Variants in WDR4 observed in about 807,000 individuals in gnomAD.
WDR4 encodes tRNA (guanine-N(7)-)-methyltransferase non-catalytic subunit WDR4.
WDR4 carries 47 observed loss-of-function variants against 48.6 expected under a neutral mutation model. That is an observed-to-expected ratio of 0.97 (90% CI 0.77 to 1.23). WDR4 has a LOEUF of 1.23. Ranked by LOEUF, WDR4 falls within the 50% of genes most tolerant of loss-of-function variation. The pLI, the probability that WDR4 is intolerant of heterozygous loss-of-function variation, is 0.00. For missense variants in WDR4, 606 were observed against 551.6 expected (o/e 1.10, Z -0.99); for synonymous variants, 268 against 230.0 (o/e 1.17, Z -1.49).
At chr21:42,846,751 GT>G (rs2057714269), downstream of WDR4, among the ~76,000 whole-genome samples, 1 of 152,150 alleles carries the variant, frequency 6.6e-6, no homozygotes, top group Admixed American at 6.5e-5. Flanking sequence ...ATTGGGTGCA[GT>G]GGCTGACACC....
chr21:42,885,568 C>T, the WDR4 span, among the ~76,000 whole-genome samples: 1 of 151,280 alleles, frequency 6.6e-6, no homozygotes, highest in Admixed American at 6.6e-5. Flanking sequence ...GAGATCGCAC[C>T]ATTGCACTCC....
chr21:42,856,659 A>C (rs2058000317), intron 6 of WDR4, among the ~76,000 whole-genome samples: 1 of 152,200 alleles, frequency 6.6e-6, no homozygotes, highest in African/African-American at 2.4e-5. Context: ...CACTATTTGT[A>C]AGTATTTTTA....
chr21:42,877,917 C>T (rs1349254249), intron 1 of WDR4, among the ~76,000 whole-genome samples: 18 of 151,742 alleles, frequency 1.2e-4, no homozygotes, highest in African/African-American at 4.4e-4. Context: ...TGGTGGCAGG[C>T]GCCTGCAGTC....
At chr21:42,885,279 C>G in the WDR4 span, among the ~76,000 whole-genome samples, 1 of 152,088 alleles carries the variant, frequency 6.6e-6, no homozygotes. Flanking sequence ...TCCAAGAAAG[C>G]CTTGGGTATT....
At chr21:42,880,677 C>G (rs926962574), upstream of WDR4, among the ~76,000 whole-genome samples, 4 of 152,210 alleles carry the variant, frequency 2.6e-5, no homozygotes, top group African/African-American at 9.7e-5. Context: ...GCTCTTGCCT[C>G]TGCCCTCTTG....
At chr21:42,853,264 C>T (rs1427456840) in intron 9 of WDR4, among the ~76,000 whole-genome samples, 1 of 152,166 alleles carries the variant, frequency 6.6e-6, no homozygotes, top group Non-Finnish European at 1.5e-5. Context: ...TCCCACACAC[C>T]CTTGCCACAC....
At chr21:42,876,617 G>T (rs564709557) in intron 2 of WDR4, 85 bp downstream of exon 2, 2 of 1,298,186 alleles carry the variant, frequency 1.5e-6, no homozygotes, top group East Asian at 2.3e-5. Context: ...AATTCAGCAA[G>T]TAGGACAACA....
chr21:42,852,907 C>T (rs575557251), intron 9 of WDR4, among the ~76,000 whole-genome samples: 2 of 132,544 alleles, frequency 1.5e-5, no homozygotes, highest in South Asian at 4.5e-4. Flanking sequence ...ACGAGCAAAA[C>T]TCCGTCTCAA....
Position 42,853,878 on chromosome 21 carries a change from C to G in WDR4, c.792-126G>C, listed in dbSNP as rs1271154726. On this transcript the variant is annotated intron_variant, in intron 8 of 10. Coordinates refer to ENST00000398208, the MANE Select transcript of WDR4 (RefSeq NM_018669.6). ...TCAGGAGAGCCTACGCTGAAAGCCC[C>G]AGCTGCGCCACTCCCAAATGCCGGC... The G allele has an allele frequency of 3.8e-6, 4 of 1,042,032 alleles. No homozygotes were observed. The African/African-American group carries it at 6.5e-5, about 17-fold the overall frequency. 64.5% of individuals were successfully genotyped at this position (1,042,032 alleles called of 1,614,324 possible).
intron 6 of WDR4, among the ~76,000 whole-genome samples, chr21:42,857,482 C>T (rs952168077): frequency 3.3e-5 from 5 of 152,146 alleles, no homozygotes; most frequent in African/African-American, 4.8e-5. Flanking sequence ...CAGATGGCAT[C>T]GCCAGACATC....
At chr21:42,844,927 G>T (rs948687738), downstream of WDR4, among the ~76,000 whole-genome samples, 1 of 152,198 alleles carries the variant, frequency 6.6e-6, no homozygotes, top group Non-Finnish European at 1.5e-5. Context: ...AGGAGGGCAG[G>T]CCCCTCCCTC....
chr21:42,885,208 G>C, the WDR4 span, among the ~76,000 whole-genome samples: 582 of 152,256 alleles, frequency 3.8e-3, 5 homozygotes, highest in African/African-American at 0.013. Context: ...ATAACTTCTA[G>C]GGCAAGTCTT....
intron 3 of WDR4, among the ~76,000 whole-genome samples, chr21:42,864,704 C>T (rs1387652519): frequency 1.3e-5 from 2 of 152,192 alleles, no homozygotes; most frequent in African/African-American, 4.8e-5. Flanking sequence ...AGTCACAGTT[C>T]GCTCCCTCTC....
At chr21:42,844,519 G>A (rs369231405), downstream of WDR4, among the ~76,000 whole-genome samples, 21 of 152,290 alleles carry the variant, frequency 1.4e-4, no homozygotes, top group African/African-American at 4.3e-4. Context: ...AACCTCCACC[G>A]CCAGGACTGA....
upstream of WDR4, chr21:42,879,691 G>A (rs1368033564): frequency 3.3e-6 from 2 of 604,178 alleles, no homozygotes; most frequent in Non-Finnish European, 5.7e-6. Context: ...GTGGCCTTCG[G>A]TGTTTCGGGT....
chr21:42,848,343 TCACA>T (rs35351329), downstream of WDR4, among the ~76,000 whole-genome samples: 1 of 140,858 alleles, frequency 7.1e-6, no homozygotes, highest in Non-Finnish European at 1.5e-5. Context: ...AGTGCGCACC[TCACA>T]CACACACAGC....
At chr21:42,853,430 AG>A in intron 9 of WDR4, 138 bp downstream of exon 9, 1 of 1,028,112 alleles carries the variant, frequency 9.7e-7, no homozygotes, top group Non-Finnish European at 1.4e-6. Context: ...ACTGCCATTC[AG>A]GACACAGACC....
chr21:42,848,794 C>T (rs1440208277), downstream of WDR4, among the ~76,000 whole-genome samples: 1 of 62,116 alleles, frequency 1.6e-5, no homozygotes, highest in Non-Finnish European at 3.0e-5. Flanking sequence ...CACGATCACG[C>T]GGCGCGCACC....
intron 3 of WDR4, among the ~76,000 whole-genome samples, chr21:42,870,058 A>G (rs1398728056): frequency 1.3e-5 from 2 of 151,666 alleles, no homozygotes; most frequent in African/African-American, 4.8e-5. Context: ...GATAGTCAAG[A>G]AAACTGCTGT....
Sources: allele counts gnomAD v4.1 joint callset (sites outside exome capture counted in the v4.1 genomes callset), GRCh38; gene constraint gnomAD v4.1.1; transcripts MANE v1.5; gene names NCBI Gene and HGNC (gene_info 2026-07-23, HGNC 2026-07-21).